The following AARS1 variants were observed in gnomAD, a reference collection of about 807,000 sequenced individuals.
AARS1 encodes the protein alanyl-tRNA synthetase 1, also known as alanine--tRNA ligase, cytoplasmic.
In AARS1, 72 loss-of-function variants were observed where a neutral mutation model predicts 108.9. The ratio of observed to expected loss-of-function variants is 0.66; its 90% CI spans 0.55 to 0.80. AARS1 has a LOEUF of 0.80. AARS1 is among the 30% of genes least tolerant of loss of function. The pLI is 0.00. For missense variants in AARS1, 1,193 were observed against 1,233.2 expected, an observed-to-expected ratio of 0.97 and a Z score of 0.49; for synonymous variants, 489 against 465.7, an observed-to-expected ratio of 1.05 and a Z score of -0.64.
chr16:70,285,178 G>A (rs951138583), intron 1 of AARS1, among the ~76,000 whole-genome samples: 3 of 150,342 alleles, frequency 2.0e-5, no homozygotes, highest in East Asian at 3.9e-4. Context: ...GCAGTAAGCC[G>A]AAATTGCGCC....
At chr16:70,253,226 C>T (rs752193278) in intron 20 of AARS1, 42 bp downstream of exon 20, 6 of 1,521,258 alleles carry the variant, frequency 3.9e-6, no homozygotes, top group Non-Finnish European at 5.5e-6. Flanking sequence ...AGCCAACAAC[C>T]TTAAGACCTA....
rs567527217 is a variant in AARS1, at chr16:70,261,731, G to A, written c.1672-574C>T. 8.1e-4 allele frequency among the ~76,000 whole-genome samples: 119 copies of A among 147,076 alleles called. 3 individuals carry two copies. In the South Asian group the frequency reaches 0.023, roughly 28 times the overall value. ...GCCACCCAAGCTGGAGTGCAGTGGCGCAATCTCGGCTCACTGCAACCACCC... is the reference window on the plus strand; with the variant it reads ...GCCACCCAAGCTGGAGTGCAGTGGCACAATCTCGGCTCACTGCAACCACCC... On this transcript the variant is annotated intron_variant, in intron 12 of 20. Coordinates refer to ENST00000261772, the MANE Select transcript of AARS1 (RefSeq NM_001605.3).
chr16:70,254,191 T>C (rs1334629721), intron 17 of AARS1, among the ~76,000 whole-genome samples, 153 bp from the exon 18 acceptor site: 1 of 152,114 alleles, frequency 6.6e-6, no homozygotes, highest in African/African-American at 2.4e-5. Flanking sequence ...GGAGCAGCTG[T>C]GGCAGGTGAA....
At chr16:70,258,291 G>T in intron 14 of AARS1, 74 bp from the exon 15 acceptor site, 1 of 1,507,784 alleles carries the variant, frequency 6.6e-7, no homozygotes, top group Non-Finnish European at 9.0e-7. Context: ...AGGAAAGCAT[G>T]GTCCTGCAGG....
intron 17 of AARS1, 184 bp downstream of exon 17, chr16:70,254,437 A>C: frequency 1.6e-6 from 1 of 637,536 alleles, no homozygotes; most frequent in Non-Finnish European, 2.9e-6. Context: ...AGCAGCAGGG[A>C]ATGTCCAGGG....
At position 70,269,600 on chromosome 16, in the gene AARS1, A is replaced by G. The variant is rs149761815; in HGVS notation, c.962+18T>C. 1,224 of 1,613,508 alleles carry G rather than the reference A, an allele frequency of 7.6e-4. 6 individuals are homozygous for G. In the African/African-American group the frequency reaches 0.012, roughly 16 times the overall value. Reference sequence around the variant, plus strand: ...CGTGGTGCCGCTCCAAACACCACCCAGTGTGCAGCATACTTACCCACGCCC... The same window carrying G: ...CGTGGTGCCGCTCCAAACACCACCCGGTGTGCAGCATACTTACCCACGCCC... On this transcript the variant is annotated intron_variant, in intron 7 of 20. Coordinates refer to ENST00000261772, the MANE Select transcript of AARS1 (RefSeq NM_001605.3).
intron 2 of AARS1, among the ~76,000 whole-genome samples, chr16:70,278,117 A>T (rs1188559932): frequency 6.6e-6 from 1 of 151,956 alleles, no homozygotes; most frequent in African/African-American, 2.4e-5. Context: ...GGTGGCTCAC[A>T]CCTGTAATCC....
At chr16:70,254,530 C>T in intron 17 of AARS1, 91 bp downstream of exon 17, 1 of 941,854 alleles carries the variant, frequency 1.1e-6, no homozygotes. Context: ...CACCAAGAAC[C>T]AGGGCCTGAC....
At position 70,265,535 on chromosome 16, in the gene AARS1, T is replaced by C. The variant is rs1459215623; in HGVS notation, c.1347+3A>G. 1.2e-6 allele frequency: 2 copies of C among 1,613,862 alleles called. No homozygotes were observed. Among genetic ancestry groups the C allele is most frequent in the South Asian group, 2.2e-5 (2 of 91,068 alleles). On this transcript the variant is annotated splice_donor_region_variant and intron_variant, in intron 10 of 20. Coordinates refer to ENST00000261772, the MANE Select transcript of AARS1 (RefSeq NM_001605.3). ...TTTCCTGTTCACTCTCCAAGTTCTTTACCTGGGCCAGTTTCCTCTCCTCTT... is the reference window on the plus strand; with the variant it reads ...TTTCCTGTTCACTCTCCAAGTTCTTCACCTGGGCCAGTTTCCTCTCCTCTT...
chr16:70,264,475 C>G (rs187932056), intron 11 of AARS1, among the ~76,000 whole-genome samples: 1 of 152,004 alleles, frequency 6.6e-6, no homozygotes, highest in Non-Finnish European at 1.5e-5. Context: ...CGCCACCACG[C>G]CCGGCTAATT....
intron 1 of AARS1, among the ~76,000 whole-genome samples, chr16:70,283,785 C>T (rs1381474680): frequency 6.6e-6 from 1 of 152,174 alleles, no homozygotes; most frequent in Non-Finnish European, 1.5e-5. Flanking sequence ...AGAACCCTAA[C>T]AGCAAACGGC....
intron 19 of AARS1, 122 bp downstream of exon 19, chr16:70,253,592 C>A: frequency 8.1e-7 from 1 of 1,240,488 alleles, no homozygotes; most frequent in Admixed American, 1.8e-5. Context: ...GCTGCTCCTC[C>A]CAATCTCAAT....
intron 7 of AARS1, 66 bp from the exon 8 acceptor site, chr16:70,268,445 T>C: frequency 7.1e-7 from 1 of 1,398,926 alleles, no homozygotes; most frequent in Non-Finnish European, 1.0e-6. Flanking sequence ...TCCCTTGGAA[T>C]CCTACCCAAA....
intron 2 of AARS1, among the ~76,000 whole-genome samples, chr16:70,279,027 G>A (rs1960624336): frequency 1.3e-5 from 2 of 152,158 alleles, no homozygotes; most frequent in Non-Finnish European, 2.9e-5. Context: ...AGTAAGTGCT[G>A]CATGCAGGCT....
At chr16:70,255,499 G>A (rs1959966902) in intron 16 of AARS1, among the ~76,000 whole-genome samples, 1 of 152,038 alleles carries the variant, frequency 6.6e-6, no homozygotes, top group Admixed American at 6.6e-5. Flanking sequence ...CGTCCGGCCT[G>A]ATTCACATAT....
chr16:70,261,538 C>T (rs188047090), intron 12 of AARS1: 18 of 238,172 alleles, frequency 7.6e-5, no homozygotes, highest in Middle Eastern at 1.8e-3. Flanking sequence ...GCAGAGGTTA[C>T]AGTGAGCCAA....
At chr16:70,280,406 G>A (rs978262238) in intron 2 of AARS1, among the ~76,000 whole-genome samples, 1 of 152,122 alleles carries the variant, frequency 6.6e-6, no homozygotes, top group Admixed American at 6.6e-5. Flanking sequence ...GTAATTCCAG[G>A]ATCAAGTGAT....
intron 1 of AARS1, among the ~76,000 whole-genome samples, chr16:70,285,566 A>G (rs562535294): frequency 6.6e-6 from 1 of 152,264 alleles, no homozygotes; most frequent in East Asian, 1.9e-4. Context: ...CTCCTGCCTC[A>G]GCCTCCTGGG....
In AARS1 at chr16:70,252,624, G is replaced by A; in HGVS notation, c.*97C>T. ...GTTCCAGTTACTGCTGGGTTAGGAG[G>A]GGCTCTTTAAAGGTCCCAAGATTCA... is the stretch of plus-strand genomic sequence containing the variant. On this transcript the variant is annotated 3_prime_UTR_variant, in exon 21 of 21. Transcript: ENST00000261772. The A allele has an allele frequency of 2.9e-6, 4 of 1,373,984 alleles. No homozygotes were observed. Among genetic ancestry groups the A allele is most frequent in the East Asian group, 2.3e-5 (1 of 43,718 alleles). 85.1% of individuals were successfully genotyped at this position (1,373,984 alleles called of 1,614,324 possible). A position where few individuals can be genotyped will look rare whatever the true frequency, so the allele number is the denominator to read the frequency against.
Sources: gnomAD v4.1 joint callset for allele counts (sites outside exome capture counted in the v4.1 genomes callset) on GRCh38, gnomAD v4.1.1 for gene constraint, MANE v1.5 for transcripts, NCBI Gene and HGNC (gene_info 2026-07-23, HGNC 2026-07-21) for gene names.